The following RFX1 variants were observed in gnomAD, a reference collection of about 807,000 sequenced individuals.
RFX1 encodes regulatory factor X1, also known as MHC class II regulatory factor RFX1.
Under a neutral mutation model 119.6 loss-of-function variants are expected in RFX1, and 42 were observed. That is an observed-to-expected ratio of 0.35 (90% confidence interval 0.27 to 0.45). The LOEUF (loss-of-function observed/expected upper bound fraction) is 0.45, where lower values mean the gene tolerates loss of function less well. RFX1 is among the 20% of genes least tolerant of loss of function. The pLI, the probability that RFX1 is intolerant of heterozygous loss-of-function variation, is 1.00. For synonymous variants in RFX1, 628 were observed against 618.5 expected (o/e 1.02, Z -0.23); for missense variants, 1,118 against 1,368.1 (o/e 0.82, Z 2.88).
intron 1 of RFX1, among the ~76,000 whole-genome samples, chr19:14,003,135 G>A (rs1467114924): frequency 6.6e-6 from 1 of 152,166 alleles, no homozygotes; most frequent in Non-Finnish European, 1.5e-5. Context: ...ACAGTCATGT[G>A]CTACCATGCC....
Position 13,994,819 on chromosome 19 carries a change from TAC to T in RFX1, c.-52-926_-52-925del, listed in dbSNP as rs1413541638. ...TATATATACATATATAGTATATATA[TAC>T]ACACACATATACACTGTATACATAT... On this transcript the variant is annotated intron_variant, in intron 1 of 20. Transcript: ENST00000254325. 5.1e-3 allele frequency among the ~76,000 whole-genome samples: 738 copies of T among 144,838 alleles called. 9 individuals are homozygous for T. The highest frequency in any genetic ancestry group is 0.018 in the African/African-American group (691 of 39,010).
intron 8 of RFX1, among the ~76,000 whole-genome samples, chr19:13,977,778 G>A (rs1168174261): frequency 2.0e-5 from 3 of 150,616 alleles, no homozygotes; most frequent in East Asian, 1.9e-4. Flanking sequence ...AAGCTATGCC[G>A]GGGTGCCTTT....
rs1314002314 is a variant in RFX1 at position 13,986,423 on chromosome 19, C to G, written c.320-2828G>C. On this transcript the variant is annotated intron_variant, in intron 2 of 20. Transcript: ENST00000254325. The surrounding 1 kb of genome is among the most constrained non-coding windows in gnomAD (Gnocchi z 4.2). ...CAGGAGGGCGCCAGGGGATGCGCCA[C>G]GAGGCTAACAGGTGAGCCTGAGTGA... 6.6e-6 allele frequency among the ~76,000 whole-genome samples: 1 copy of G among 152,194 alleles called. No homozygotes were observed. Among genetic ancestry groups the G allele is most frequent in the African/African-American group, 2.4e-5 (1 of 41,452 alleles).
At chr19:13,995,851 C>CAAAAAA (rs57542235) in intron 1 of RFX1, among the ~76,000 whole-genome samples, 1 of 35,622 alleles carries the variant, frequency 2.8e-5, no homozygotes, top group African/African-American at 7.1e-5. Flanking sequence ...ACTCTGTCTC[C>CAAAAAA]AAAAAAAAAA....
Position 13,980,683 on chromosome 19 carries a change from G to A in RFX1, c.628C>T (p.Pro210Ser). 2 of 1,545,570 alleles carry A rather than the reference G, an allele frequency of 1.3e-6. No individual in the cohort carries two copies. The highest frequency in any genetic ancestry group is 1.4e-5 in the African/African-American group (1 of 70,358). The change falls in exon 6 of 21, where the codon CCG (proline) becomes TCG (serine). Residue 210 changes from proline to serine, a missense_variant. Pro to Ser is a moderately conservative substitution (Grantham distance 74). Transcript: ENST00000254325. This position sits in a 1 kb window ranked among gnomAD's most constrained non-coding sequence, Gnocchi z 5.1. ...QQVHSPPEQS[P>S]VQANSSSSKT... is the part of the protein sequence containing the mutation. ...CTGGAAGAGCTGTTGGCCTGCACCG[G>A]CGACTGCTGTAAGGGAAGGAGACAC...
At chr19:13,973,614 T>C (rs1347954212) in intron 8 of RFX1, among the ~76,000 whole-genome samples, 1 of 152,032 alleles carries the variant, frequency 6.6e-6, no homozygotes, top group Non-Finnish European at 1.5e-5. Flanking sequence ...CTCTGGCTTT[T>C]TATTTTTGTT....
At chr19:13,974,078 G>C (rs1371593471) in intron 8 of RFX1, among the ~76,000 whole-genome samples, 2 of 152,178 alleles carry the variant, frequency 1.3e-5, no homozygotes, top group East Asian at 3.8e-4. Context: ...TTTGGACACA[G>C]CAATGGACAA....
At chr19:14,002,778 T>C (rs1306383330) in intron 1 of RFX1, among the ~76,000 whole-genome samples, 1 of 152,146 alleles carries the variant, frequency 6.6e-6, no homozygotes, top group Non-Finnish European at 1.5e-5. Context: ...GTACAGCTGC[T>C]ATTGAAGGCA....
chr19:13,969,006 C>T lies in RFX1; in HGVS notation c.1497-112G>A, dbSNP rs536111920. 2.5e-5 allele frequency: 31 copies of T among 1,242,622 alleles called. No individual in the cohort carries two copies. The highest frequency in any genetic ancestry group is 2.7e-4 in the Middle Eastern group (1 of 3,642). The allele number at this position is 1,242,622 out of a possible 1,614,324, so 77.0% of individuals were successfully genotyped here. A position where few individuals can be genotyped will look rare whatever the true frequency, so the allele number is the denominator to read the frequency against. On this transcript the variant is annotated intron_variant, in intron 10 of 20. Coordinates refer to ENST00000254325, the MANE Select transcript of RFX1 (RefSeq NM_002918.5). This position sits in a 1 kb window ranked among gnomAD's most constrained non-coding sequence, Gnocchi z 4.5. ...TCTGTTAGGAGAATGGATAGAGAGA[C>T]GCCTGCCCTGCAGAGACGGGGGTGC...
chr19:14,003,093 C>T (rs1455249177), intron 1 of RFX1, among the ~76,000 whole-genome samples: 1 of 152,210 alleles, frequency 6.6e-6, no homozygotes, highest in East Asian at 1.9e-4. Context: ...AGGGATTCTC[C>T]TGCCTCAGCC....
Position 13,973,034 on chromosome 19 carries a change from G to A in RFX1, c.1023C>T (p.Val341=). The change falls in exon 9 of 21, where the codon GTC becomes GTT. Residue 341 remains valine, a synonymous_variant. Coordinates refer to ENST00000254325, the MANE Select transcript of RFX1 (RefSeq NM_002918.5). The stretch of plus-strand genomic sequence containing the variant: ...CCGCCTGGGAGGTGGCGGGGGTGCT[G>A]ACCTGGGTGGCCGTGCCTGCGGCCT... ...YYEAAGTATQ[V]STPATSQAVA... is the part of the protein sequence containing the mutation. 1.2e-6 allele frequency: 2 copies of A among 1,601,654 alleles called. No homozygotes were observed. The highest frequency in any genetic ancestry group is 1.7e-6 in the Non-Finnish European group (2 of 1,179,846).
chr19:13,996,407 T>C (rs1051567810), intron 1 of RFX1, among the ~76,000 whole-genome samples: 1 of 152,222 alleles, frequency 6.6e-6, no homozygotes, highest in Non-Finnish European at 1.5e-5. Flanking sequence ...TCAGCACCCA[T>C]GTGCCACGAT....
chr19:13,973,178 G>A (rs768163879), intron 8 of RFX1, 51 bp from the exon 9 acceptor site: 48 of 887,770 alleles, frequency 5.4e-5, no homozygotes, highest in South Asian at 3.8e-4. Flanking sequence ...GAACTGGGGG[G>A]CCGAGGGGCA....
Position 13,986,209 on chromosome 19 carries a change from C to A in RFX1, c.320-2614G>T, listed in dbSNP as rs531433038. 6.6e-6 allele frequency among the ~76,000 whole-genome samples: 1 copy of A among 152,272 alleles called. No homozygotes were observed. Among genetic ancestry groups the A allele is most frequent in the East Asian group, 1.9e-4 (1 of 5,162 alleles). On this transcript the variant is annotated intron_variant, in intron 2 of 20. Coordinates refer to ENST00000254325, the MANE Select transcript of RFX1 (RefSeq NM_002918.5). This position sits in a 1 kb window ranked among gnomAD's most constrained non-coding sequence, Gnocchi z 4.2. ...GGGATGGTGTCTCACCCAGGAAGCT[C>A]AAGGTGGGCAGGGAGTGGGGGGCTG...
At chr19:14,002,425 C>T (rs533679498) in intron 1 of RFX1, among the ~76,000 whole-genome samples, 38 of 151,732 alleles carry the variant, frequency 2.5e-4, no homozygotes, top group African/African-American at 6.5e-4. Context: ...GTGGAGGTTG[C>T]GGTGAGCTGA....
At position 13,986,241 on chromosome 19, in the gene RFX1, C is replaced by A. The variant is rs1021791293; in HGVS notation, c.320-2646G>T. Among the ~76,000 whole-genome samples, 2 of 152,056 alleles carry A rather than the reference C, an allele frequency of 1.3e-5. No individual in the cohort carries two copies. The highest frequency in any genetic ancestry group is 2.9e-5 in the Non-Finnish European group (2 of 67,966). On this transcript the variant is annotated intron_variant, in intron 2 of 20. Transcript: ENST00000254325. This position sits in a 1 kb window ranked among gnomAD's most constrained non-coding sequence, Gnocchi z 4.2. ...GGCAGGGAGTGGGGGGCTGGCCCCC[C>A]ACCCTCTCCAGGGCTCAGGGGCTGG...
At chr19:13,975,043 CA>C (rs60183087) in intron 8 of RFX1, among the ~76,000 whole-genome samples, 794 of 32,104 alleles carry the variant, frequency 0.025, 5 homozygotes, top group Non-Finnish European at 0.032. Flanking sequence ...AACTCCACCT[CA>C]AAAAAAAAAA....
At chr19:13,971,969 G>T (rs1974095896) in intron 9 of RFX1, among the ~76,000 whole-genome samples, 1 of 152,074 alleles carries the variant, frequency 6.6e-6, no homozygotes, top group African/African-American at 2.4e-5. Context: ...TCATGCCACT[G>T]CACTTCAGCC....
At chr19:13,982,303 G>T in intron 4 of RFX1, 75 bp from the exon 5 acceptor site, 5 of 796,970 alleles carry the variant, frequency 6.3e-6, no homozygotes, top group South Asian at 5.9e-5. Flanking sequence ...TCTGCGCAGT[G>T]CCAGGTGACA....
Sources: gnomAD v4.1 joint callset for allele counts (sites outside exome capture counted in the v4.1 genomes callset) on GRCh38, gnomAD v4.1.1 for gene constraint, Gnocchi (gnomAD v3.1) non-coding constraint, MANE v1.5 for transcripts, NCBI Gene and HGNC (gene_info 2026-07-23, HGNC 2026-07-21) for gene names.